NDRG1: variants seen among roughly 807,000 people sequenced by gnomAD.
The protein encoded by NDRG1 is protein NDRG1.
A neutral mutation model predicts 56.9 loss-of-function variants in NDRG1; 32 were observed. That is an observed-to-expected ratio of 0.56 (90% confidence interval 0.42 to 0.76). NDRG1 has a LOEUF of 0.76. Among genes scored for constraint, NDRG1 ranks in the 30% least tolerant of loss-of-function variants. The pLI is 0.00. For synonymous variants in NDRG1, 211 were observed against 204.1 expected, an observed-to-expected ratio of 1.03 and a Z score of -0.29; for missense variants, 507 against 545.7, an observed-to-expected ratio of 0.93 and a Z score of 0.71.
chr8:133,284,279 A>C lies in NDRG1; in HGVS notation c.33T>G (p.Ala11=), dbSNP rs1194257957. Residue 11 remains alanine (A), a synonymous_variant, in exon 2 of 16, where the codon GCT becomes GCG. Transcript: ENST00000323851. ...CTTTCTCCACCAAAGGCTTCACCTCAGCGAGGTCTACATCCTGCATCTCCC... is the reference window on the plus strand; with the variant it reads ...CTTTCTCCACCAAAGGCTTCACCTCCGCGAGGTCTACATCCTGCATCTCCC... MSREMQDVDL[A]EVKPLVEKGE... 1.2e-6 allele frequency: 2 copies of C among 1,614,168 alleles called. No individual in the cohort carries two copies. The highest frequency in any genetic ancestry group is 1.7e-5 in the Admixed American group (1 of 60,026).
chr8:133,287,130 T>A (rs1353823347), intron 1 of NDRG1, among the ~76,000 whole-genome samples: 1 of 152,126 alleles, frequency 6.6e-6, no homozygotes, highest in Non-Finnish European at 1.5e-5. Context: ...GGAGCTTTTA[T>A]CCAAAGGAAA....
At chr8:133,240,647 A>G (rs1855326050) in intron 15 of NDRG1, 1 of 152,174 alleles carries the variant, frequency 6.6e-6, no homozygotes, top group Non-Finnish European at 1.5e-5. Context: ...TGCCTTTGAG[A>G]CCATAGCTCT....
chr8:133,287,934 C>T (rs72731586), intron 1 of NDRG1, among the ~76,000 whole-genome samples: 3,400 of 147,504 alleles, frequency 0.023, 63 homozygotes, highest in Non-Finnish European at 0.035. Context: ...CTAGTGCATG[C>T]GTGCACACAC....
intron 2 of NDRG1, among the ~76,000 whole-genome samples, chr8:133,283,506 A>AG (rs36063201): frequency 0.31 from 47,802 of 152,158 alleles, 9,326 homozygotes; most frequent in African/African-American, 0.53. Context: ...CCCAGCCTAT[A>AG]GACAGGGGCT....
At chr8:133,251,860 T>C (rs1215687515) in intron 9 of NDRG1, among the ~76,000 whole-genome samples, 2 of 152,144 alleles carry the variant, frequency 1.3e-5, no homozygotes, top group African/African-American at 4.8e-5. Context: ...CAATGGAAAG[T>C]ATCCTTAAAA....
intron 1 of NDRG1, among the ~76,000 whole-genome samples, chr8:133,293,065 C>T (rs899067338): frequency 6.6e-5 from 10 of 152,158 alleles, no homozygotes; most frequent in Non-Finnish European, 1.5e-5. Context: ...ACGCCCCACC[C>T]GAGGGAGCCC....
chr8:133,264,708 G>T lies in NDRG1; in HGVS notation c.100-56C>A, dbSNP rs1856830789. 5.5e-6 allele frequency: 8 copies of T among 1,450,680 alleles called. No homozygotes were observed. In the South Asian group the frequency reaches 6.8e-5, roughly 12 times the overall value. 89.9% of individuals were successfully genotyped at this position (1,450,680 alleles called of 1,614,324 possible). ...CATGTGGGGTTCATGGCATCCGCGT[G>T]GCTGAAGACAGCCAGCCTGTTTCCA... On this transcript the variant is annotated intron_variant, in intron 3 of 15. Transcript: ENST00000323851.
chr8:133,244,985 G>A (rs1030632761), intron 13 of NDRG1, among the ~76,000 whole-genome samples: 3 of 152,192 alleles, frequency 2.0e-5, no homozygotes, highest in African/African-American at 7.2e-5. Flanking sequence ...AAGGGAGCAG[G>A]GGGAGGCTGC....
At chr8:133,256,722 G>T in intron 8 of NDRG1, 55 bp downstream of exon 8, 1 of 1,547,150 alleles carries the variant, frequency 6.5e-7, no homozygotes, top group Non-Finnish European at 8.9e-7. Flanking sequence ...GAGGCTGTGT[G>T]CACCTGTCCC....
At chr8:133,274,910 C>A (rs1048917315) in intron 3 of NDRG1, among the ~76,000 whole-genome samples, 11 of 152,204 alleles carry the variant, frequency 7.2e-5, no homozygotes, top group Non-Finnish European at 1.6e-4. Flanking sequence ...AAAGATTCAG[C>A]AAGAGGGCGT....
At chr8:133,243,811 G>T (rs1210722450) in intron 14 of NDRG1, among the ~76,000 whole-genome samples, 2 of 152,196 alleles carry the variant, frequency 1.3e-5, no homozygotes, top group Non-Finnish European at 2.9e-5. Flanking sequence ...TTACTTGTTA[G>T]GTTGGTGAGA....
chr8:133,245,854 C>T (rs146080530), intron 13 of NDRG1, among the ~76,000 whole-genome samples: 48 of 152,250 alleles, frequency 3.2e-4, no homozygotes, highest in African/African-American at 1.1e-3. Context: ...TGTAAAGAGC[C>T]CAATACAGGA....
chr8:133,263,638 G>A (rs974567729), intron 4 of NDRG1, among the ~76,000 whole-genome samples: 7 of 152,178 alleles, frequency 4.6e-5, no homozygotes, highest in Non-Finnish European at 4.4e-5. Context: ...ATAGATGGCC[G>A]GGCCCAATGG....
chr8:133,256,539 C>G (rs542021762), intron 8 of NDRG1, among the ~76,000 whole-genome samples: 5 of 152,290 alleles, frequency 3.3e-5, no homozygotes, highest in African/African-American at 9.6e-5. Context: ...GGACCTGTGT[C>G]CCAGTGCTTT....
intron 2 of NDRG1, among the ~76,000 whole-genome samples, chr8:133,282,159 G>T (rs1857844559): frequency 6.6e-6 from 1 of 152,220 alleles, no homozygotes; most frequent in Non-Finnish European, 1.5e-5. Flanking sequence ...ATGTTCTAAG[G>T]ATTCCAGTAG....
Position 133,243,887 on chromosome 8 carries a change from T to C in NDRG1, c.891+468A>G, listed in dbSNP as rs558592353. ...CAAACACATTACGTTGATCAATGTG[T>C]TTATTTGTACATGTGCACACACATT... On this transcript the variant is annotated intron_variant, in intron 14 of 15. Transcript: ENST00000323851. 5.9e-5 allele frequency among the ~76,000 whole-genome samples: 9 copies of C among 152,270 alleles called. No individual in the cohort carries two copies. In the South Asian group the frequency reaches 8.4e-4, roughly 14 times the overall value.
chr8:133,257,695 G>C (rs1011460), intron 7 of NDRG1, among the ~76,000 whole-genome samples: 44,704 of 152,058 alleles, frequency 0.29, 6,890 homozygotes, highest in African/African-American at 0.35. Context: ...TACAGATATA[G>C]ATATGTACAC....
intron 1 of NDRG1, among the ~76,000 whole-genome samples, chr8:133,287,235 C>T (rs1267754203): frequency 6.6e-6 from 1 of 152,034 alleles, no homozygotes; most frequent in African/African-American, 2.4e-5. Flanking sequence ...GGGAAAGGGG[C>T]CTGAACCCCA....
intron 1 of NDRG1, among the ~76,000 whole-genome samples, chr8:133,289,398 T>C (rs1001431635): frequency 4.6e-5 from 7 of 152,142 alleles, no homozygotes; most frequent in African/African-American, 1.4e-4. Flanking sequence ...TGTGAGGATG[T>C]GGCCTGGGTT....
Sources: gnomAD v4.1 joint callset for allele counts (sites outside exome capture counted in the v4.1 genomes callset) on GRCh38, gnomAD v4.1.1 for gene constraint, MANE v1.5 for transcripts, NCBI Gene and HGNC (gene_info 2026-07-23, HGNC 2026-07-21) for gene names.